Variants in UBE3A observed in about 807,000 individuals in gnomAD.
UBE3A encodes ubiquitin protein ligase E3A.
Under a neutral mutation model 83.4 loss-of-function variants are expected in UBE3A, and 6 were observed. The ratio of observed to expected loss-of-function variants is 0.07; its 90% CI spans 0.04 to 0.14. The LOEUF is 0.14. Among genes scored for constraint, UBE3A ranks in the 10% least tolerant of loss-of-function variants. UBE3A has a pLI of 1.00. For synonymous variants in UBE3A, 337 were observed against 355.4 expected, an observed-to-expected ratio of 0.95 and a Z score of 0.58; for missense variants, 456 against 1,036.1, an observed-to-expected ratio of 0.44 and a Z score of 7.69.
rs945778930 is a variant in UBE3A, at chr15:25,352,526, T to A, written c.2354+1827A>T. Among the ~76,000 whole-genome samples the A allele has an allele frequency of 3.9e-5, 6 of 152,332 alleles. No individual in the cohort carries two copies. The East Asian group carries it at 1.2e-3, about 29-fold the overall frequency. On this transcript the variant is annotated intron_variant, in intron 11 of 12. Transcript: ENST00000648336. ...CTAAAAATAAGTACATTATCTTAAT[T>A]TAAAATCATTGCTAAAAATGCTAAT...
intron 2 of UBE3A, among the ~76,000 whole-genome samples, chr15:25,409,664 T>C (rs2089506232): frequency 6.6e-6 from 1 of 152,154 alleles, no homozygotes; most frequent in African/African-American, 2.4e-5. Flanking sequence ...TTTGGCTTAG[T>C]TTTGCTATAC....
chr15:25,364,523 TA>T lies in UBE3A; in HGVS notation c.1609-3997del, dbSNP rs570122687. Among the ~76,000 whole-genome samples the T allele has an allele frequency of 2.4e-4, 37 of 152,316 alleles. No individual in the cohort carries two copies. In the East Asian group the frequency reaches 6.9e-3, roughly 29 times the overall value. On this transcript the variant is annotated intron_variant, in intron 6 of 12. Transcript: ENST00000648336. ...GTATTTTTTAAGTCAGAAGTTGTTT[TA>T]AATGCATTAGGATATTTGAAATTTG...
rs2076797791 is a variant in UBE3A at position 25,353,460 on chromosome 15, C to T, written c.2354+893G>A. Among the ~76,000 whole-genome samples, 3 of 152,250 alleles carry T rather than the reference C, an allele frequency of 2.0e-5. No homozygotes were observed. The South Asian group carries it at 6.2e-4, about 32-fold the overall frequency. Reference sequence around the variant, plus strand: ...TGAAACTGGCATGTATGAAAGTCAGCCCTCTGTATATGCAGGTTCTGAGTC... The same window carrying T: ...TGAAACTGGCATGTATGAAAGTCAGTCCTCTGTATATGCAGGTTCTGAGTC... On this transcript the variant is annotated intron_variant, in intron 11 of 12. Transcript: ENST00000648336.
At chr15:25,392,630 C>G (rs1659597038) in intron 4 of UBE3A, among the ~76,000 whole-genome samples, 1 of 151,996 alleles carries the variant, frequency 6.6e-6, no homozygotes, top group Non-Finnish European at 1.5e-5. Context: ...AAAAGAGAGG[C>G]AACTTAGGAG....
At chr15:25,400,797 C>T (rs2086893098) in intron 4 of UBE3A, among the ~76,000 whole-genome samples, 1 of 152,192 alleles carries the variant, frequency 6.6e-6, no homozygotes, top group Non-Finnish European at 1.5e-5. Context: ...CCTTTTCTTT[C>T]TCTTGCCTAA....
rs143000400 is a variant in UBE3A at position 25,370,995 on chromosome 15, A to T, written c.1179T>A (p.Asp393Glu). ...TGGACTCAGGGATGGGCTCTTCATCATCTTCTTCATTGTGATTTGTGTCCA... is the reference window on the plus strand; with the variant it reads ...TGGACTCAGGGATGGGCTCTTCATCTTCTTCTTCATTGTGATTTGTGTCCA... Reference protein sequence around the residue: ...GEVDTNHNEEDDEEPIPESSE... With the variant: ...GEVDTNHNEEEDEEPIPESSE... Residue 393 changes from aspartate to glutamate, a missense_variant, in exon 6 of 13, where the codon GAT becomes GAA. Transcript: ENST00000648336. The surrounding 1 kb of genome is among the most constrained non-coding windows in gnomAD (Gnocchi z 4.2). 1.2e-6 allele frequency: 2 copies of T among 1,614,000 alleles called. No individual in the cohort carries two copies. The highest frequency in any genetic ancestry group is 1.7e-6 in the Non-Finnish European group (2 of 1,179,994).
chr15:25,421,996 A>G (rs1471410919), intron 1 of UBE3A: 2 of 152,252 alleles, frequency 1.3e-5, no homozygotes, highest in African/African-American at 4.8e-5. Flanking sequence ...ACACAAAAAC[A>G]TGCACACAAA....
In UBE3A at chr15:25,360,432, G is replaced by A. The variant is rs1177834519; in HGVS notation, c.1704C>T (p.Ser568=). 11 of 1,613,650 alleles carry A rather than the reference G, an allele frequency of 6.8e-6. No homozygotes were observed. The highest frequency in any genetic ancestry group is 1.7e-5 in the Admixed American group (1 of 59,986). ...CCACAACCAGCTGAAAAAATTCTTT[G>A]GAAACACCTCCCTCATCAACTCCTT... ...GEQGVDEGGV[S]KEFFQLVVEE... is the part of the protein sequence containing the mutation. Residue 568 remains serine (S), a synonymous_variant, in exon 7 of 13, where the codon TCC becomes TCT. Coordinates refer to ENST00000648336, the MANE Select transcript of UBE3A (RefSeq NM_130839.5).
chr15:25,431,375 C>A (rs945673662), intron 1 of UBE3A, among the ~76,000 whole-genome samples: 5 of 152,096 alleles, frequency 3.3e-5, no homozygotes, highest in Admixed American at 3.3e-4. Flanking sequence ...GAGATGAAAT[C>A]TTGCTTGCCC....
rs761394184 is a variant in UBE3A, at chr15:25,370,776, T to C, written c.1398A>G (p.Val466=). The C allele has an allele frequency of 1.9e-6, 3 of 1,614,122 alleles. No homozygotes were observed. Among genetic ancestry groups the C allele is most frequent in the Admixed American group, 3.3e-5 (2 of 60,028 alleles). Residue 466 remains valine (V), a synonymous_variant, in exon 6 of 13, where the codon GTA becomes GTG. Transcript: ENST00000648336. This position sits in a 1 kb window ranked among gnomAD's most constrained non-coding sequence, Gnocchi z 4.2. ...EMDKDYTFFK[V]ETENKFSFMT... The stretch of plus-strand genomic sequence containing the variant: ...TAAAAGAGAATTTGTTCTCTGTTTC[T>C]ACTTTGAAAAAAGTATAATCTTTAT...
At chr15:25,388,976 T>A (rs2152944553) in intron 4 of UBE3A, among the ~76,000 whole-genome samples, 1 of 152,202 alleles carries the variant, frequency 6.6e-6, no homozygotes, top group Non-Finnish European at 1.5e-5. Context: ...AATAACTAAA[T>A]AATGAAGAGC....
At chr15:25,363,842 C>T (rs1462619301) in intron 6 of UBE3A, among the ~76,000 whole-genome samples, 1 of 151,844 alleles carries the variant, frequency 6.6e-6, no homozygotes, top group Non-Finnish European at 1.5e-5. Flanking sequence ...TTTGTTATTA[C>T]CTATTTTAGA....
chr15:25,381,472 ACAAAG>A (rs987730223), intron 4 of UBE3A, among the ~76,000 whole-genome samples: 4 of 152,224 alleles, frequency 2.6e-5, no homozygotes, highest in Admixed American at 2.0e-4. Context: ...CTAATGGTGA[ACAAAG>A]CAAAGAATAA....
chr15:25,356,140 A>C, intron 8 of UBE3A, 84 bp from the exon 9 acceptor site: 5 of 1,511,394 alleles, frequency 3.3e-6, no homozygotes, highest in Non-Finnish European at 4.6e-6. Context: ...TTAGAAGACA[A>C]CAAAAATCTT....
intron 6 of UBE3A, among the ~76,000 whole-genome samples, chr15:25,364,540 T>C (rs2078699732): frequency 6.6e-6 from 1 of 152,154 alleles, no homozygotes; most frequent in African/African-American, 2.4e-5. Context: ...ATTAGGATAT[T>C]TGAAATTTGG....
Position 25,370,592 on chromosome 15 carries a change from G to T in UBE3A, c.1582C>A (p.His528Asn). 1 of 1,614,024 alleles carries T rather than the reference G, an allele frequency of 6.2e-7. No individual in the cohort carries two copies. The highest frequency in any genetic ancestry group is 8.5e-7 in the Non-Finnish European group (1 of 1,179,990). The change falls in exon 6 of 13, where the codon CAT becomes AAT. Residue 528 changes from histidine (H) to asparagine (N), a missense_variant. His to Asn is a moderately conservative substitution (Grantham distance 68). Coordinates refer to ENST00000648336, the MANE Select transcript of UBE3A (RefSeq NM_130839.5). The surrounding 1 kb of genome is among the most constrained non-coding windows in gnomAD (Gnocchi z 4.2). ...PYLRLKVRRD[H>N]IIDDALVRLE... ...CGGACAAGTGCATCATCTATGATAT[G>T]GTCACGTCTAACTTTGAGTCTCAAA...
intron 6 of UBE3A, among the ~76,000 whole-genome samples, chr15:25,364,660 T>TTTTTTTG (rs2078755314): frequency 6.7e-6 from 1 of 148,414 alleles, no homozygotes; most frequent in African/African-American, 2.5e-5. Context: ...TTTTTTTTTT[T>TTTTTTTG]TGAGACGGAG....
At chr15:25,420,670 G>C (rs1422770336) in intron 1 of UBE3A, 1 of 152,142 alleles carries the variant, frequency 6.6e-6, no homozygotes, top group Non-Finnish European at 1.5e-5. Flanking sequence ...TGTTAGAAAA[G>C]ATGCAGAGAA....
chr15:25,383,421 G>T (rs1250229591), intron 4 of UBE3A, among the ~76,000 whole-genome samples: 1 of 152,148 alleles, frequency 6.6e-6, no homozygotes, highest in African/African-American at 2.4e-5. Flanking sequence ...TGGATCACCT[G>T]AGGTCAGGAG....
Sources: allele counts gnomAD v4.1 joint callset (sites outside exome capture counted in the v4.1 genomes callset), GRCh38; gene constraint gnomAD v4.1.1; non-coding constraint Gnocchi (gnomAD v3.1); transcripts MANE v1.5; gene names NCBI Gene and HGNC (gene_info 2026-07-23, HGNC 2026-07-21).